Variants in LYPLAL1 observed in about 807,000 individuals in gnomAD.
The protein encoded by LYPLAL1 is lysophospholipase-like protein 1.
LYPLAL1 carries 23 observed loss-of-function variants against 19.7 expected under a neutral mutation model. That is an observed-to-expected ratio of 1.17 (90% CI 0.84 to 1.65). LYPLAL1 has a LOEUF of 1.65. Among genes scored for constraint, LYPLAL1 ranks in the 40% most tolerant of loss-of-function variants. LYPLAL1 has a pLI of 0.00. For missense variants in LYPLAL1, 355 were observed against 279.4 expected, an observed-to-expected ratio of 1.27 and a Z score of -1.93; for synonymous variants, 119 against 96.3, an observed-to-expected ratio of 1.24 and a Z score of -1.38.
chr1:219,332,571 C>T, the LYPLAL1 span, among the ~76,000 whole-genome samples: 1 of 152,010 alleles, frequency 6.6e-6, no homozygotes, highest in African/African-American at 2.4e-5. Context: ...TGGAATTTCT[C>T]TAAAAGAATT....
chr1:219,347,312 TTG>T, the LYPLAL1 span, among the ~76,000 whole-genome samples: 151,932 of 152,280 alleles, frequency 1, 75,794 homozygotes, highest in Middle Eastern at 1. Flanking sequence ...CTTCTGAATG[TTG>T]ATCAGTGTTC....
chr1:219,294,188 C>T, the LYPLAL1 span, among the ~76,000 whole-genome samples: 1 of 152,178 alleles, frequency 6.6e-6, no homozygotes. Flanking sequence ...GAAGATGCTC[C>T]TGAGAGGGCA....
intron 3 of LYPLAL1, among the ~76,000 whole-genome samples, chr1:219,195,280 T>C (rs1657512988): frequency 6.6e-6 from 1 of 152,070 alleles, no homozygotes; most frequent in Non-Finnish European, 1.5e-5. Context: ...TCATAAGAAT[T>C]GTACTTTGAA....
the LYPLAL1 span, among the ~76,000 whole-genome samples, chr1:219,243,905 G>A: frequency 1.6e-5 from 2 of 128,454 alleles, no homozygotes; most frequent in African/African-American, 5.9e-5. Flanking sequence ...GGGGACGAGA[G>A]CAAAACTCCA....
At chr1:219,239,584 A>G in the LYPLAL1 span, among the ~76,000 whole-genome samples, 1 of 152,240 alleles carries the variant, frequency 6.6e-6, no homozygotes, top group Non-Finnish European at 1.5e-5. Flanking sequence ...CTCTTGTGTC[A>G]GCACATATAA....
At chr1:219,418,637 G>A in the LYPLAL1 span, among the ~76,000 whole-genome samples, 1 of 152,120 alleles carries the variant, frequency 6.6e-6, no homozygotes, top group Non-Finnish European at 1.5e-5. Flanking sequence ...AGCCTGCATT[G>A]ATCCATCAAT....
At chr1:219,331,734 A>G in the LYPLAL1 span, among the ~76,000 whole-genome samples, 1 of 152,184 alleles carries the variant, frequency 6.6e-6, no homozygotes, top group Non-Finnish European at 1.5e-5. Flanking sequence ...CCAATCTATC[A>G]CACTGTCAAA....
chr1:219,439,980 T>TATATATATACAC, the LYPLAL1 span, among the ~76,000 whole-genome samples: 162 of 65,448 alleles, frequency 2.5e-3, 1 homozygote, highest in African/African-American at 7.5e-3. Flanking sequence ...TATACATATA[T>TATATATATACAC]ATATATATAT....
chr1:219,343,804 G>A, the LYPLAL1 span, among the ~76,000 whole-genome samples: 1 of 151,932 alleles, frequency 6.6e-6, no homozygotes, highest in Non-Finnish European at 1.5e-5. Flanking sequence ...TCTTTATAGA[G>A]CTCCTTCATC....
chr1:219,358,837 T>C, the LYPLAL1 span, among the ~76,000 whole-genome samples: 51 of 151,204 alleles, frequency 3.4e-4, no homozygotes, highest in African/African-American at 1.2e-3. Context: ...TGTGTGTGCG[T>C]GTGTGTGTGT....
At chr1:219,423,993 A>G in the LYPLAL1 span, among the ~76,000 whole-genome samples, 1 of 149,800 alleles carries the variant, frequency 6.7e-6, no homozygotes, top group Non-Finnish European at 1.5e-5. Flanking sequence ...ATATATCACT[A>G]TACACTATAG....
At chr1:219,191,817 A>G (rs1657207473) in intron 2 of LYPLAL1, among the ~76,000 whole-genome samples, 1 of 151,698 alleles carries the variant, frequency 6.6e-6, no homozygotes, top group African/African-American at 2.4e-5. Flanking sequence ...ACTGACTTTC[A>G]GAGGTATTCA....
chr1:219,377,030 C>T, the LYPLAL1 span, among the ~76,000 whole-genome samples: 3 of 152,118 alleles, frequency 2.0e-5, no homozygotes, highest in African/African-American at 7.2e-5. Flanking sequence ...TATTTGTACA[C>T]CCATGTTCGT....
At chr1:219,283,655 A>G in the LYPLAL1 span, among the ~76,000 whole-genome samples, 1 of 152,228 alleles carries the variant, frequency 6.6e-6, no homozygotes, top group Non-Finnish European at 1.5e-5. Flanking sequence ...TTGCCTGTAC[A>G]GCCTTTGGGC....
chr1:219,436,346 C>T, the LYPLAL1 span, among the ~76,000 whole-genome samples: 4 of 152,240 alleles, frequency 2.6e-5, no homozygotes, highest in South Asian at 2.1e-4. Context: ...TTATGTCTTA[C>T]GACTGTGTTG....
At chr1:219,290,676 C>T in the LYPLAL1 span, among the ~76,000 whole-genome samples, 11 of 152,208 alleles carry the variant, frequency 7.2e-5, no homozygotes, top group African/African-American at 2.6e-4. Flanking sequence ...AATAGCTATT[C>T]TTTCACCACT....
At chr1:219,281,238 T>G in the LYPLAL1 span, among the ~76,000 whole-genome samples, 1 of 152,132 alleles carries the variant, frequency 6.6e-6, no homozygotes, top group Non-Finnish European at 1.5e-5. Context: ...TAAACTGGCA[T>G]GTAAACACAT....
chr1:219,334,430 T>A, the LYPLAL1 span, among the ~76,000 whole-genome samples: 1 of 151,944 alleles, frequency 6.6e-6, no homozygotes, highest in South Asian at 2.1e-4. Flanking sequence ...CCACTTTTTC[T>A]TCTATATCTA....
intron 1 of LYPLAL1, among the ~76,000 whole-genome samples, chr1:219,177,274 G>A (rs1342191802): frequency 1.3e-5 from 2 of 152,130 alleles, no homozygotes. Flanking sequence ...GCAGGGGTTG[G>A]CAAACTTTCT....
Sources: gnomAD v4.1 joint callset for allele counts (sites outside exome capture counted in the v4.1 genomes callset) on GRCh38, gnomAD v4.1.1 for gene constraint, MANE v1.5 for transcripts, NCBI Gene and HGNC (gene_info 2026-07-23, HGNC 2026-07-21) for gene names.